The following SLC35F1 variants were observed in gnomAD, a reference collection of about 807,000 sequenced individuals.
The protein encoded by SLC35F1 is chromosome 6 open reading frame 169.
A neutral mutation model predicts 48.7 loss-of-function variants in SLC35F1; 14 were observed. The ratio of observed to expected loss-of-function variants is 0.29; its 90% CI spans 0.19 to 0.45. The LOEUF is 0.45. SLC35F1 is among the 20% of genes least tolerant of loss of function. The pLI, the probability that SLC35F1 is intolerant of heterozygous loss-of-function variation, is 1.00. For synonymous variants in SLC35F1, 190 were observed against 202.2 expected (o/e 0.94, Z 0.51); for missense variants, 404 against 500.0 (o/e 0.81, Z 1.83).
chr6:118,088,939 G>A (rs1773032068), intron 1 of SLC35F1, among the ~76,000 whole-genome samples: 1 of 152,204 alleles, frequency 6.6e-6, no homozygotes, highest in Non-Finnish European at 1.5e-5. Context: ...ACACCCTGTG[G>A]ACTAGCAGCA....
At chr6:118,288,958 A>G (rs555489745) in intron 7 of SLC35F1, among the ~76,000 whole-genome samples, 103 of 152,336 alleles carry the variant, frequency 6.8e-4, no homozygotes, top group African/African-American at 2.5e-3. Context: ...GAACATTTCC[A>G]TCAGCACAGG....
At chr6:118,239,616 G>T (rs544174355) in intron 3 of SLC35F1, among the ~76,000 whole-genome samples, 1 of 151,906 alleles carries the variant, frequency 6.6e-6, no homozygotes, top group South Asian at 2.1e-4. Context: ...ATTCTTAATA[G>T]CTGGTCCCCT....
At chr6:117,993,888 A>G in intron 1 of SLC35F1, among the ~76,000 whole-genome samples, 1 of 152,222 alleles carries the variant, frequency 6.6e-6, no homozygotes, top group East Asian at 1.9e-4. Flanking sequence ...TATCACTGCC[A>G]TAGCAAATTA....
At chr6:118,287,602 T>A (rs1269960537) in intron 7 of SLC35F1, among the ~76,000 whole-genome samples, 1 of 152,166 alleles carries the variant, frequency 6.6e-6, no homozygotes, top group East Asian at 1.9e-4. Flanking sequence ...TATCTGGAGA[T>A]GTGTCTGGGG....
chr6:118,199,590 C>T (rs1018075389), intron 2 of SLC35F1, among the ~76,000 whole-genome samples: 3 of 152,078 alleles, frequency 2.0e-5, no homozygotes, highest in Non-Finnish European at 2.9e-5. Context: ...ATTGAACAAC[C>T]AGTTCAAAAA....
intron 2 of SLC35F1, among the ~76,000 whole-genome samples, chr6:118,217,768 A>G (rs762076679): frequency 1.1e-4 from 16 of 152,214 alleles, no homozygotes; most frequent in Non-Finnish European, 2.1e-4. Context: ...GTTCAAAAAT[A>G]TAAAAGTGTC....
chr6:118,126,089 A>G (rs1773620130), intron 1 of SLC35F1, among the ~76,000 whole-genome samples: 1 of 152,160 alleles, frequency 6.6e-6, no homozygotes, highest in Non-Finnish European at 1.5e-5. Flanking sequence ...TGAGAAGCAG[A>G]ATAGTCAGTG....
At chr6:117,916,565 AC>A (rs1775828531) in intron 1 of SLC35F1, among the ~76,000 whole-genome samples, 1 of 152,220 alleles carries the variant, frequency 6.6e-6, no homozygotes, top group South Asian at 2.1e-4. Context: ...GACAATAGCT[AC>A]AAGTATCAAG....
chr6:118,071,772 A>G (rs1368948608), intron 1 of SLC35F1, among the ~76,000 whole-genome samples: 3 of 152,166 alleles, frequency 2.0e-5, no homozygotes, highest in Non-Finnish European at 2.9e-5. Context: ...AGCACCTGCT[A>G]TGGCTGAGGA....
intron 1 of SLC35F1, among the ~76,000 whole-genome samples, chr6:118,093,483 T>C (rs1353777778): frequency 6.6e-6 from 1 of 152,192 alleles, no homozygotes; most frequent in African/African-American, 2.4e-5. Flanking sequence ...GGGCAGGTTA[T>C]TCCCATGCTT....
chr6:118,061,284 A>T (rs1471274148), intron 1 of SLC35F1, among the ~76,000 whole-genome samples: 3 of 152,232 alleles, frequency 2.0e-5, no homozygotes, highest in Non-Finnish European at 4.4e-5. Flanking sequence ...AATGAAGGGA[A>T]GCTGCTGGTA....
At chr6:118,172,107 T>G (rs548900420) in intron 2 of SLC35F1, among the ~76,000 whole-genome samples, 20 of 152,016 alleles carry the variant, frequency 1.3e-4, no homozygotes, top group Non-Finnish European at 2.6e-4. Flanking sequence ...CAGGGCATCA[T>G]GTAAGCCAGA....
chr6:118,017,743 G>A (rs1413734360), intron 1 of SLC35F1, among the ~76,000 whole-genome samples: 1 of 152,124 alleles, frequency 6.6e-6, no homozygotes, highest in Non-Finnish European at 1.5e-5. Context: ...TGTTTTCTAA[G>A]ATCATTATAA....
Position 118,006,483 on chromosome 6 carries a change from G to A in SLC35F1, c.173+98584G>A, listed in dbSNP as rs569209975. On this transcript the variant is annotated intron_variant, in intron 1 of 7. Transcript: ENST00000360388. The stretch of plus-strand genomic sequence containing the variant: ...AATTTTTAAAAATTATCTGGGCATG[G>A]TGATGCATACCTGTAGTCCTAGCTA... Among the ~76,000 whole-genome samples, 488 of 152,140 alleles carry A rather than the reference G, an allele frequency of 3.2e-3. 1 individual carries two copies. The highest frequency in any genetic ancestry group is 6.0e-3 in the Non-Finnish European group (408 of 68,000).
chr6:118,123,699 G>A (rs1773585561), intron 1 of SLC35F1, among the ~76,000 whole-genome samples: 1 of 152,052 alleles, frequency 6.6e-6, no homozygotes, highest in Non-Finnish European at 1.5e-5. Flanking sequence ...CCCACAATGA[G>A]CTCCTATCTC....
chr6:118,236,442 T>C (rs1179101562), intron 3 of SLC35F1, among the ~76,000 whole-genome samples: 1 of 152,216 alleles, frequency 6.6e-6, no homozygotes, highest in Non-Finnish European at 1.5e-5. Flanking sequence ...TGTTCTCATA[T>C]TAGATTTAGT....
intron 1 of SLC35F1, among the ~76,000 whole-genome samples, chr6:118,028,257 T>C (rs766836679): frequency 1.1e-4 from 17 of 152,138 alleles, no homozygotes; most frequent in Admixed American, 8.5e-4. Context: ...CGCTTTCTCC[T>C]GTGTTCTTCT....
At chr6:118,092,131 G>T (rs1023641261) in intron 1 of SLC35F1, among the ~76,000 whole-genome samples, 1 of 152,192 alleles carries the variant, frequency 6.6e-6, no homozygotes, top group African/African-American at 2.4e-5. Context: ...GTAATGAAGA[G>T]CCAAATGTTA....
chr6:118,260,847 G>C lies in SLC35F1; in HGVS notation c.478-6148G>C, dbSNP rs561674050. Reference sequence around the variant, plus strand: ...TTAACCTATTTCTTCTACAAAATATGAATTTTATCCCTGTAATATTAGTTG... The same window carrying C: ...TTAACCTATTTCTTCTACAAAATATCAATTTTATCCCTGTAATATTAGTTG... On this transcript the variant is annotated intron_variant, in intron 3 of 7. Transcript: ENST00000360388. Among the ~76,000 whole-genome samples, 4 of 152,212 alleles carry C rather than the reference G, an allele frequency of 2.6e-5. No homozygotes were observed. In the South Asian group the frequency reaches 8.3e-4, roughly 32 times the overall value.
Sources: allele counts gnomAD v4.1 joint callset (sites outside exome capture counted in the v4.1 genomes callset), GRCh38; gene constraint gnomAD v4.1.1; transcripts MANE v1.5; gene names NCBI Gene and HGNC (gene_info 2026-07-23, HGNC 2026-07-21).